ATP8A2: variants seen among roughly 807,000 people sequenced by gnomAD.
The protein encoded by ATP8A2 is phospholipid-transporting ATPase IB.
ATP8A2 carries 100 observed loss-of-function variants against 165.6 expected under a neutral mutation model. The observed-to-expected ratio is 0.60, with a 90% confidence interval of 0.51 to 0.71. The LOEUF (loss-of-function observed/expected upper bound fraction) is 0.71, where lower values mean the gene tolerates loss of function less well. ATP8A2 is among the 30% of genes least tolerant of loss of function. ATP8A2 has a pLI of 0.00. For missense variants in ATP8A2, 1,227 were observed against 1,479.5 expected, an observed-to-expected ratio of 0.83 and a Z score of 2.80; for synonymous variants, 543 against 548.8, an observed-to-expected ratio of 0.99 and a Z score of 0.15.
At chr13:25,475,503 G>A (rs1189263853) in intron 2 of ATP8A2, among the ~76,000 whole-genome samples, 4 of 152,190 alleles carry the variant, frequency 2.6e-5, no homozygotes, top group African/African-American at 9.7e-5. Context: ...CTTTATGGTA[G>A]TAGGACTTAT....
chr13:25,815,584 C>A (rs562437658), intron 27 of ATP8A2, among the ~76,000 whole-genome samples: 9 of 152,286 alleles, frequency 5.9e-5, no homozygotes, highest in African/African-American at 2.2e-4. Context: ...TGTATTGCTG[C>A]TGGGAAAGTA....
At chr13:25,712,060 A>G (rs2043169289) in intron 25 of ATP8A2, among the ~76,000 whole-genome samples, 1 of 152,150 alleles carries the variant, frequency 6.6e-6, no homozygotes, top group Non-Finnish European at 1.5e-5. Flanking sequence ...TTTATTTTGT[A>G]TCTAGCATTT....
chr13:25,619,490 C>T (rs572901850), intron 24 of ATP8A2, among the ~76,000 whole-genome samples: 9 of 152,124 alleles, frequency 5.9e-5, no homozygotes, highest in South Asian at 2.1e-4. Context: ...TGAAGATACT[C>T]GAATAACCAG....
chr13:25,398,861 A>G (rs1489423041), intron 1 of ATP8A2, among the ~76,000 whole-genome samples: 2 of 152,190 alleles, frequency 1.3e-5, no homozygotes, highest in Non-Finnish European at 2.9e-5. Context: ...CATGAGAGAA[A>G]AGGGTGCTGT....
At chr13:25,473,528 T>C (rs2035905919) in intron 2 of ATP8A2, among the ~76,000 whole-genome samples, 1 of 152,222 alleles carries the variant, frequency 6.6e-6, no homozygotes, top group African/African-American at 2.4e-5. Flanking sequence ...TCAAATGTTT[T>C]AAAGGTTTTA....
chr13:25,554,115 T>A (rs2038905575), intron 12 of ATP8A2, among the ~76,000 whole-genome samples, 195 bp downstream of exon 12: 1 of 152,160 alleles, frequency 6.6e-6, no homozygotes, highest in Admixed American at 6.6e-5. Flanking sequence ...GTGGTACCTA[T>A]TCAAGGCGTT....
rs1346981183 is a variant in ATP8A2 at position 25,372,889 on chromosome 13, A to C, written c.76+601A>C. Among the ~76,000 whole-genome samples the C allele has an allele frequency of 6.6e-6, 1 of 152,088 alleles. No individual in the cohort carries two copies. The highest frequency in any genetic ancestry group is 1.5e-5 in the Non-Finnish European group (1 of 68,012). ...CACACGCACACGCGCGCGCACACAC[A>C]CACACAGGTACACACACACGTACAC... is the stretch of plus-strand genomic sequence containing the variant. On this transcript the variant is annotated intron_variant, in intron 1 of 36. Transcript: ENST00000381655. The surrounding 1 kb of genome is among the most constrained non-coding windows in gnomAD (Gnocchi z 4.8).
At chr13:25,996,453 T>C (rs1354723048) in intron 35 of ATP8A2, among the ~76,000 whole-genome samples, 1 of 152,228 alleles carries the variant, frequency 6.6e-6, no homozygotes, top group East Asian at 1.9e-4. Context: ...TTTTGCTTAC[T>C]ATATTCTTTC....
chr13:25,615,211 C>T (rs1012707234), intron 24 of ATP8A2, among the ~76,000 whole-genome samples: 3 of 152,090 alleles, frequency 2.0e-5, no homozygotes, highest in Non-Finnish European at 2.9e-5. Flanking sequence ...GGGCTTGCTT[C>T]GGCTGCTGTG....
intron 24 of ATP8A2, among the ~76,000 whole-genome samples, chr13:25,648,763 G>A (rs7491933): frequency 0.035 from 5,378 of 152,222 alleles, 295 homozygotes; most frequent in African/African-American, 0.12. Context: ...CATGTAATAT[G>A]TAATGCAATG....
chr13:25,867,091 C>T (rs1952527511), intron 33 of ATP8A2, among the ~76,000 whole-genome samples: 1 of 151,146 alleles, frequency 6.6e-6, no homozygotes, highest in Non-Finnish European at 1.5e-5. Context: ...GCAACTCTGC[C>T]TGCAGTGACA....
In ATP8A2 at chr13:25,543,350, A is replaced by T. The variant is rs2038543009; in HGVS notation, c.839A>T (p.Gln280Leu). The change falls in exon 10 of 37, where the codon CAG becomes CTG. Residue 280 changes from glutamine (Q) to leucine (L), a missense_variant. Physicochemically the swap from Gln to Leu is moderately radical, Grantham distance 113. Transcript: ENST00000381655. ...AGAGGTACACAGCTTAGAAATACTC[A>T]GTGGGTCTTTGGCATAGTTGTTTAT... ...LLRGTQLRNTQWVFGIVVYTG... is the reference protein window; with the variant it reads ...LLRGTQLRNTLWVFGIVVYTG... 6.2e-7 allele frequency: 1 copy of T among 1,613,438 alleles called. No individual in the cohort carries two copies. The highest frequency in any genetic ancestry group is 1.3e-5 in the African/African-American group (1 of 74,932).
intron 2 of ATP8A2, among the ~76,000 whole-genome samples, chr13:25,512,595 C>T (rs1164575141): frequency 5.0e-4 from 74 of 147,044 alleles, no homozygotes; most frequent in African/African-American, 1.6e-3. Flanking sequence ...TGGGCAGAGG[C>T]GCCCCTCACC....
At chr13:25,974,312 C>T (rs1955976260) in intron 35 of ATP8A2, among the ~76,000 whole-genome samples, 1 of 152,098 alleles carries the variant, frequency 6.6e-6, no homozygotes, top group Admixed American at 6.5e-5. Context: ...CCGTGTTTAC[C>T]ATCTAACATG....
At chr13:25,387,120 G>A (rs1411129421) in intron 1 of ATP8A2, among the ~76,000 whole-genome samples, 2 of 152,178 alleles carry the variant, frequency 1.3e-5, no homozygotes, top group Non-Finnish European at 1.5e-5. Context: ...TTCCGTGCTT[G>A]GGACTAAGAC....
At chr13:25,987,480 C>T (rs897771499) in intron 35 of ATP8A2, among the ~76,000 whole-genome samples, 1 of 152,218 alleles carries the variant, frequency 6.6e-6, no homozygotes, top group East Asian at 1.9e-4. Flanking sequence ...GACCATTTGG[C>T]ATTGTCTGTC....
chr13:25,523,022 G>A (rs1235299613), intron 2 of ATP8A2, among the ~76,000 whole-genome samples: 1 of 151,932 alleles, frequency 6.6e-6, no homozygotes, highest in African/African-American at 2.4e-5. Flanking sequence ...TTACTCTGGA[G>A]GCTGAGGCTA....
intron 24 of ATP8A2, among the ~76,000 whole-genome samples, chr13:25,638,590 A>G (rs1278192800): frequency 6.6e-6 from 1 of 152,218 alleles, no homozygotes; most frequent in African/African-American, 2.4e-5. Flanking sequence ...AGAGCCCCCA[A>G]GAAATATGGG....
chr13:25,713,487 C>A (rs2137990796), intron 25 of ATP8A2, among the ~76,000 whole-genome samples: 1 of 152,256 alleles, frequency 6.6e-6, no homozygotes, highest in South Asian at 2.1e-4. Flanking sequence ...TGTAGACGTT[C>A]TGCAGGAAAA....
Sources: gnomAD v4.1 joint callset for allele counts (sites outside exome capture counted in the v4.1 genomes callset) on GRCh38, gnomAD v4.1.1 for gene constraint, Gnocchi (gnomAD v3.1) non-coding constraint, MANE v1.5 for transcripts, NCBI Gene and HGNC (gene_info 2026-07-23, HGNC 2026-07-21) for gene names.